FBXL17: variants seen among roughly 807,000 people sequenced by gnomAD.
FBXL17 encodes the protein F-box/LRR-repeat protein 17.
In FBXL17, 22 loss-of-function variants were observed where a neutral mutation model predicts 66.2. That is an observed-to-expected ratio of 0.33 (90% CI 0.24 to 0.47). The LOEUF (loss-of-function observed/expected upper bound fraction) is 0.47. Among genes scored for constraint, FBXL17 ranks in the 20% least tolerant of loss-of-function variants. The probability of loss-of-function intolerance (pLI) is 1.00; values close to 1 mark genes in which losing one functional copy is unlikely to be tolerated. For synonymous variants in FBXL17, 474 were observed against 400.5 expected (o/e 1.18, Z -2.19); for missense variants, 878 against 948.2 (o/e 0.93, Z 0.97).
intron 4 of FBXL17, among the ~76,000 whole-genome samples, chr5:108,339,521 A>G (rs1746740139): frequency 6.6e-6 from 1 of 152,116 alleles, no homozygotes; most frequent in South Asian, 2.1e-4. Context: ...GTTTTGCTTC[A>G]AATATCTGAT....
At chr5:108,253,780 C>A (rs1756459916) in intron 4 of FBXL17, among the ~76,000 whole-genome samples, 1 of 151,956 alleles carries the variant, frequency 6.6e-6, no homozygotes, top group Non-Finnish European at 1.5e-5. Context: ...ATGGCTTAAG[C>A]CCAGGAGTTC....
intron 6 of FBXL17, among the ~76,000 whole-genome samples, chr5:108,067,755 A>C (rs1217062437): frequency 6.6e-6 from 1 of 152,238 alleles, no homozygotes; most frequent in Non-Finnish European, 1.5e-5. Context: ...ATATTTCCCT[A>C]TTGTACTGTG....
intron 6 of FBXL17, among the ~76,000 whole-genome samples, chr5:108,179,441 T>C (rs896337894): frequency 2.6e-5 from 4 of 152,130 alleles, no homozygotes; most frequent in African/African-American, 4.8e-5. Flanking sequence ...GCTTTTTCTA[T>C]ACAAAAATAA....
intron 7 of FBXL17, among the ~76,000 whole-genome samples, chr5:108,013,189 G>C (rs1040697113): frequency 7.2e-5 from 11 of 152,012 alleles, no homozygotes; most frequent in Non-Finnish European, 1.0e-4. Flanking sequence ...TTGATTAGTA[G>C]TGATAACCCA....
At chr5:108,221,875 T>C (rs1754881118) in intron 5 of FBXL17, among the ~76,000 whole-genome samples, 1 of 152,186 alleles carries the variant, frequency 6.6e-6, no homozygotes, top group East Asian at 1.9e-4. Context: ...GATGCATGTA[T>C]AAAATGTCCT....
At chr5:108,148,078 G>C (rs1751628922) in intron 6 of FBXL17, among the ~76,000 whole-genome samples, 1 of 152,280 alleles carries the variant, frequency 6.6e-6, no homozygotes, top group Admixed American at 6.5e-5. Flanking sequence ...TGGAAGGACA[G>C]AGATGCAAGC....
At chr5:108,338,885 A>C (rs1746691054) in intron 4 of FBXL17, among the ~76,000 whole-genome samples, 1 of 152,224 alleles carries the variant, frequency 6.6e-6, no homozygotes, top group East Asian at 1.9e-4. Flanking sequence ...AATATGAGTA[A>C]GCAAAATCTG....
intron 7 of FBXL17, among the ~76,000 whole-genome samples, chr5:107,949,260 C>T (rs1413374998): frequency 6.6e-6 from 1 of 151,342 alleles, no homozygotes; most frequent in East Asian, 1.9e-4. Context: ...TAACATGTTA[C>T]ATTGGTCAGA....
chr5:107,946,261 A>T (rs1435376351), intron 7 of FBXL17, among the ~76,000 whole-genome samples: 490 of 24,472 alleles, frequency 0.02, 6 homozygotes, highest in South Asian at 0.05. Flanking sequence ...CATTTTATAT[A>T]TATATATATA....
intron 6 of FBXL17, among the ~76,000 whole-genome samples, chr5:108,040,126 A>T (rs1746991085): frequency 6.6e-6 from 1 of 152,148 alleles, no homozygotes; most frequent in African/African-American, 2.4e-5. Flanking sequence ...GCCTTTTCAA[A>T]AATGCTGTGG....
chr5:108,249,830 C>T (rs1344007848), intron 4 of FBXL17, among the ~76,000 whole-genome samples: 1 of 152,068 alleles, frequency 6.6e-6, no homozygotes, highest in South Asian at 2.1e-4. Flanking sequence ...AAAATATGCA[C>T]ACTAGGAAAG....
At chr5:107,951,096 T>C (rs1308005328) in intron 7 of FBXL17, among the ~76,000 whole-genome samples, 2 of 152,164 alleles carry the variant, frequency 1.3e-5, no homozygotes, top group Non-Finnish European at 2.9e-5. Context: ...GCTGCCATTG[T>C]CATAATGGAC....
At chr5:108,320,919 A>T (rs1018173326) in intron 4 of FBXL17, among the ~76,000 whole-genome samples, 1 of 151,826 alleles carries the variant, frequency 6.6e-6, no homozygotes, top group African/African-American at 2.4e-5. Context: ...AAGAAAAAGC[A>T]CGTTTAATGC....
chr5:108,115,261 G>A (rs998090778), intron 6 of FBXL17, among the ~76,000 whole-genome samples: 1 of 152,110 alleles, frequency 6.6e-6, no homozygotes. Context: ...AGAAACAGGA[G>A]AAGCATGGGC....
intron 7 of FBXL17, among the ~76,000 whole-genome samples, chr5:107,905,274 T>C (rs914472261): frequency 6.6e-6 from 1 of 152,136 alleles, no homozygotes; most frequent in Non-Finnish European, 1.5e-5. Flanking sequence ...CCAATTCCTC[T>C]TTCATAAATA....
At chr5:108,380,488 A>G (rs553255369) in intron 1 of FBXL17, among the ~76,000 whole-genome samples, 2 of 152,340 alleles carry the variant, frequency 1.3e-5, no homozygotes, top group East Asian at 3.9e-4. Context: ...TCAAGCTATT[A>G]AAAGACATTC....
At chr5:108,330,404 T>C (rs993025071) in intron 4 of FBXL17, among the ~76,000 whole-genome samples, 2 of 152,350 alleles carry the variant, frequency 1.3e-5, no homozygotes, top group South Asian at 4.1e-4. Context: ...GATTACTGTT[T>C]AGGTCCTTCA....
intron 4 of FBXL17, among the ~76,000 whole-genome samples, chr5:108,254,064 T>A (rs1756473501): frequency 6.6e-6 from 1 of 152,180 alleles, no homozygotes. Context: ...ACAGTATAGG[T>A]ATTCTTATGT....
chr5:108,104,361 T>G (rs1327818654), intron 6 of FBXL17, among the ~76,000 whole-genome samples: 2 of 152,238 alleles, frequency 1.3e-5, no homozygotes, highest in Admixed American at 1.3e-4. Flanking sequence ...CAATTTTACA[T>G]GCAATTGTAC....
Sources: gnomAD v4.1 joint callset for allele counts (sites outside exome capture counted in the v4.1 genomes callset) on GRCh38, gnomAD v4.1.1 for gene constraint, MANE v1.5 for transcripts, NCBI Gene and HGNC (gene_info 2026-07-23, HGNC 2026-07-21) for gene names.